Variants in PTGS1 observed in about 807,000 individuals in gnomAD.
PTGS1 encodes the protein prostaglandin-endoperoxide synthase 1.
In PTGS1, 40 loss-of-function variants were observed where a neutral mutation model predicts 63.0. The observed-to-expected ratio is 0.63, with a 90% CI of 0.49 to 0.83. The LOEUF (loss-of-function observed/expected upper bound fraction) is 0.83, where lower values mean the gene tolerates loss of function less well. Ranked by LOEUF, PTGS1 falls within the 40% of genes least tolerant of loss-of-function variation. The pLI, the probability that PTGS1 is intolerant of heterozygous loss-of-function variation, is 0.00. For missense variants in PTGS1, 709 were observed against 786.5 expected (o/e 0.90, Z 1.18); for synonymous variants, 298 against 301.9 (o/e 0.99, Z 0.13).
chr9:122,381,727 G>T lies in PTGS1; in HGVS notation c.742G>T (p.Asp248Tyr), dbSNP rs1241518531. 1.2e-6 allele frequency: 2 copies of T among 1,613,418 alleles called. No homozygotes were observed. Among genetic ancestry groups the T allele is most frequent in the African/African-American group, 2.7e-5 (2 of 74,442 alleles). The part of the protein sequence containing the change: ...ERQYQLRLFK[D>Y]GKLKYQVLDG... ...TCAGTATCAACTGCGGCTCTTTAAG[G>T]ATGGGAAACTCAAGTACCAGGTAGT... Residue 248 changes from aspartate to tyrosine, a missense_variant, in exon 7 of 11, where the codon GAT becomes TAT. By Grantham distance (160) the Asp-to-Tyr change is radical (BLOSUM62 -3). Coordinates refer to ENST00000362012, the MANE Select transcript of PTGS1 (RefSeq NM_000962.4).
At chr9:122,385,723 G>A (rs953265097) in intron 8 of PTGS1, among the ~76,000 whole-genome samples, 1 of 151,850 alleles carries the variant, frequency 6.6e-6, no homozygotes, top group Non-Finnish European at 1.5e-5. Context: ...TATCACCGAG[G>A]GTGTCAGCAT....
chr9:122,372,316 T>A (rs902125077), intron 2 of PTGS1, among the ~76,000 whole-genome samples: 3 of 152,000 alleles, frequency 2.0e-5, no homozygotes, highest in African/African-American at 4.8e-5. Context: ...GGGCTTTGGG[T>A]GGGTGGCATT....
chr9:122,381,352 T>C lies in PTGS1; in HGVS notation c.497-19T>C. ...ATCCAGATAGGAGAAGCTACTGCTG[T>C]TTCCTACCCCCCAACCAGGGAAGAA... On this transcript the variant is annotated intron_variant, in intron 5 of 10. Transcript: ENST00000362012. 6.2e-7 allele frequency: 1 copy of C among 1,612,200 alleles called. No individual in the cohort carries two copies. The highest frequency in any genetic ancestry group is 8.5e-7 in the Non-Finnish European group (1 of 1,179,020).
chr9:122,377,423 G>A (rs535687524), intron 2 of PTGS1, among the ~76,000 whole-genome samples: 5 of 152,102 alleles, frequency 3.3e-5, no homozygotes, highest in Non-Finnish European at 5.9e-5. Context: ...ATGGGGTGGT[G>A]GTCTGGGAGA....
intron 10 of PTGS1, among the ~76,000 whole-genome samples, chr9:122,391,751 C>T (rs1296729093): frequency 6.6e-6 from 1 of 152,054 alleles, no homozygotes; most frequent in African/African-American, 2.4e-5. Context: ...CACTGAATTT[C>T]TGTGTGAGCT....
rs201003047 is a variant in PTGS1 at position 122,392,429 on chromosome 9, C to T, written c.1685C>T (p.Thr562Ile). Residue 562 changes from threonine (T) to isoleucine (I), a missense_variant, in exon 11 of 11, where the codon ACA becomes ATA. Coordinates refer to ENST00000362012, the MANE Select transcript of PTGS1 (RefSeq NM_000962.4). ...GGCTTTAACATTGTCAAGACGGCCA[C>T]ACTGAAGAAGCTGGTCTGCCTCAAC... ...EVGFNIVKTA[T>I]LKKLVCLNTK... The T allele has an allele frequency of 1.9e-6, 3 of 1,614,062 alleles. No individual in the cohort carries two copies. Among genetic ancestry groups the T allele is most frequent in the Non-Finnish European group, 2.5e-6 (3 of 1,180,046 alleles).
intron 7 of PTGS1, among the ~76,000 whole-genome samples, chr9:122,383,031 G>C (rs565649726): frequency 6.6e-6 from 1 of 152,210 alleles, no homozygotes; most frequent in South Asian, 2.1e-4. Context: ...AAATGGGAGC[G>C]TTTGCTGAGC....
In PTGS1 at chr9:122,392,449, C is replaced by T; in HGVS notation, c.1705C>T (p.Leu569Phe). The T allele has an allele frequency of 6.2e-7, 1 of 1,614,178 alleles. No individual in the cohort carries two copies. Among genetic ancestry groups the T allele is most frequent in the Non-Finnish European group, 8.5e-7 (1 of 1,180,030 alleles). ...GGCCACACTGAAGAAGCTGGTCTGC[C>T]TCAACACCAAGACCTGTCCCTACGT... ...KTATLKKLVC[L>F]NTKTCPYVSF... The change falls in exon 11 of 11, where the codon CTC (leucine) becomes TTC (phenylalanine). Residue 569 changes from leucine (L) to phenylalanine (F), a missense_variant. By Grantham distance (22) the Leu-to-Phe change is conservative. Coordinates refer to ENST00000362012, the MANE Select transcript of PTGS1 (RefSeq NM_000962.4).
At position 122,392,383 on chromosome 9, in the gene PTGS1, A is replaced by G. The variant is rs1205494988; in HGVS notation, c.1639A>G (p.Ser547Gly). ...CTGTTCTCCGGAGTACTGGAAGCCG[A>G]GCACATTTGGCGGCGAGGTGGGCTT... is the stretch of plus-strand genomic sequence containing the variant. ...PICSPEYWKP[S>G]TFGGEVGFNI... The change falls in exon 11 of 11, where the codon AGC becomes GGC. Residue 547 changes from serine to glycine, a missense_variant. Coordinates refer to ENST00000362012, the MANE Select transcript of PTGS1 (RefSeq NM_000962.4). 11 of 1,614,148 alleles carry G rather than the reference A, an allele frequency of 6.8e-6. No homozygotes were observed. Among genetic ancestry groups the G allele is most frequent in the Admixed American group, 1.7e-5 (1 of 60,020 alleles).
chr9:122,386,122 C>T (rs981810247), intron 8 of PTGS1, among the ~76,000 whole-genome samples: 1 of 140,808 alleles, frequency 7.1e-6, no homozygotes, highest in Non-Finnish European at 1.5e-5. Flanking sequence ...TAGTGAGACC[C>T]CATCTCTTAA....
chr9:122,383,661 A>G lies in PTGS1; in HGVS notation c.915A>G (p.Leu305=), dbSNP rs1205890009. The change falls in exon 8 of 11, where the codon CTA becomes CTG. Residue 305 remains leucine (L), a synonymous_variant. Coordinates refer to ENST00000362012, the MANE Select transcript of PTGS1 (RefSeq NM_000962.4). ...TCATGCTGTATGCCACGCTCTGGCTACGTGAGCACAACCGTGTGTGTGACC... is the reference window on the plus strand; with the variant it reads ...TCATGCTGTATGCCACGCTCTGGCTGCGTGAGCACAACCGTGTGTGTGACC... ...PGLMLYATLW[L]REHNRVCDLL... The G allele has an allele frequency of 1.2e-6, 2 of 1,614,160 alleles. No homozygotes were observed. The highest frequency in any genetic ancestry group is 3.3e-4 in the Middle Eastern group (2 of 6,062).
Position 122,383,693 on chromosome 9 carries a change from A to G in PTGS1, c.947A>G (p.Lys316Arg). The change falls in exon 8 of 11, where the codon AAG (lysine) becomes AGG (arginine). Residue 316 changes from lysine to arginine, a missense_variant. Lys to Arg is a conservative substitution (Grantham distance 26). Transcript: ENST00000362012. Reference protein sequence around the residue: ...REHNRVCDLLKAEHPTWGDEQ... With the variant: ...REHNRVCDLLRAEHPTWGDEQ... ...CACAACCGTGTGTGTGACCTGCTGAAGGCTGAGCACCCCACCTGGGGCGAT... is the reference window on the plus strand; with the variant it reads ...CACAACCGTGTGTGTGACCTGCTGAGGGCTGAGCACCCCACCTGGGGCGAT... The G allele has an allele frequency of 6.2e-7, 1 of 1,613,960 alleles. No individual in the cohort carries two copies. The highest frequency in any genetic ancestry group is 8.5e-7 in the Non-Finnish European group (1 of 1,179,932).
chr9:122,391,358 C>T (rs1378024159), intron 10 of PTGS1, among the ~76,000 whole-genome samples: 5 of 104,308 alleles, frequency 4.8e-5, no homozygotes, highest in East Asian at 2.6e-4. Context: ...TATATATATA[C>T]ATATATATAT....
chr9:122,371,878 C>T (rs1219593942), intron 2 of PTGS1: 7 of 1,385,966 alleles, frequency 5.1e-6, no homozygotes, highest in African/African-American at 1.4e-5. Context: ...CATGGTGGGC[C>T]CAGGATCTGA....
In PTGS1 at chr9:122,384,382, C is replaced by T. The variant is rs114591980; in HGVS notation, c.1009+627C>T. ...AACTCCCTTCCCCCACCTCTGGCACCACTGGGCATGGCTGGTCCCAATTAT... is the reference window on the plus strand; with the variant it reads ...AACTCCCTTCCCCCACCTCTGGCACTACTGGGCATGGCTGGTCCCAATTAT... On this transcript the variant is annotated intron_variant, in intron 8 of 10. Transcript: ENST00000362012. Among the ~76,000 whole-genome samples the T allele has an allele frequency of 2.5e-3, 376 of 152,290 alleles. 1 individual carries two copies. Among genetic ancestry groups the T allele is most frequent in the African/African-American group, 8.6e-3 (357 of 41,550 alleles).
intron 9 of PTGS1, 29 bp downstream of exon 9, chr9:122,386,761 C>T: frequency 1.9e-6 from 3 of 1,607,366 alleles, no homozygotes; most frequent in Non-Finnish European, 2.6e-6. Flanking sequence ...CTGGTGAGGG[C>T]AGGTGGGCTG....
At chr9:122,392,039 A>G (rs369973364) in intron 10 of PTGS1, 150 bp from the exon 11 acceptor site, 2 of 655,890 alleles carry the variant, frequency 3.0e-6, no homozygotes, top group East Asian at 5.6e-5. Flanking sequence ...CAACCATGCC[A>G]AATTCTAGGG....
chr9:122,389,183 C>T (rs1272903654), intron 9 of PTGS1, among the ~76,000 whole-genome samples: 1 of 113,268 alleles, frequency 8.8e-6, no homozygotes, highest in African/African-American at 3.4e-5. Flanking sequence ...TACAATCTTG[C>T]TCTCTTGCCT....
At chr9:122,388,848 G>A (rs1237949266) in intron 9 of PTGS1, among the ~76,000 whole-genome samples, 1 of 152,134 alleles carries the variant, frequency 6.6e-6, no homozygotes, top group East Asian at 1.9e-4. Flanking sequence ...AATCCAGTAG[G>A]ATCTCATCTT....
Sources: gnomAD v4.1 joint callset for allele counts (sites outside exome capture counted in the v4.1 genomes callset) on GRCh38, gnomAD v4.1.1 for gene constraint, MANE v1.5 for transcripts, NCBI Gene and HGNC (gene_info 2026-07-23, HGNC 2026-07-21) for gene names.